NPAS3: variants seen among roughly 807,000 people sequenced by gnomAD.
NPAS3 encodes the protein neuronal PAS domain protein 3.
NPAS3 carries 14 observed loss-of-function variants against 73.1 expected under a neutral mutation model. The observed-to-expected ratio is 0.19, with a 90% CI of 0.13 to 0.30. The LOEUF is 0.30. Among genes scored for constraint, NPAS3 ranks in the 10% least tolerant of loss-of-function variants. NPAS3 has a pLI of 1.00. For synonymous variants in NPAS3, 620 were observed against 541.5 expected (o/e 1.14, Z -2.01); for missense variants, 1,096 against 1,250.0 (o/e 0.88, Z 1.86).
At position 33,797,439 on chromosome 14, in the gene NPAS3, A is replaced by AG; in HGVS notation, c.1302-17dup. On this transcript the variant is annotated splice_polypyrimidine_tract_variant and intron_variant, in intron 10 of 11. Transcript: ENST00000356141. The stretch of plus-strand genomic sequence containing the variant: ...AGAATGGGTGTCTGCACTCCTGACC[A>AG]GTGCCTCCCTTCCACAGCAATCCTG... 6.2e-7 allele frequency: 1 copy of AG among 1,613,832 alleles called. No individual in the cohort carries two copies. Among genetic ancestry groups the AG allele is most frequent in the South Asian group, 1.1e-5 (1 of 91,006 alleles).
At chr14:33,211,825 G>A (rs4982061) in intron 2 of NPAS3, among the ~76,000 whole-genome samples, 143,781 of 152,200 alleles carry the variant, frequency 0.94, 68,170 homozygotes, top group Non-Finnish European at 0.98. Flanking sequence ...TCATTTGCTG[G>A]GGATTCATGA....
intron 5 of NPAS3, among the ~76,000 whole-genome samples, chr14:33,583,104 A>G (rs1029591789): frequency 6.6e-6 from 1 of 150,384 alleles, no homozygotes; most frequent in Non-Finnish European, 1.5e-5. Flanking sequence ...TGGTGGGAGG[A>G]AAGTGAATAA....
At chr14:33,117,205 G>T (rs184664753) in intron 2 of NPAS3, among the ~76,000 whole-genome samples, 7 of 151,770 alleles carry the variant, frequency 4.6e-5, no homozygotes, top group Admixed American at 4.6e-4. Context: ...TTGGTGGTGG[G>T]GACATCCAAA....
intron 4 of NPAS3, among the ~76,000 whole-genome samples, chr14:33,471,676 A>T (rs914065811): frequency 6.6e-6 from 1 of 152,232 alleles, no homozygotes; most frequent in Non-Finnish European, 1.5e-5. Flanking sequence ...GGTAGGTAGA[A>T]ATTAAGTTGT....
intron 7 of NPAS3, among the ~76,000 whole-genome samples, chr14:33,764,495 A>T (rs2062396918): frequency 6.6e-6 from 1 of 152,266 alleles, no homozygotes; most frequent in Non-Finnish European, 1.5e-5. Flanking sequence ...AAGAAAATGC[A>T]TCAATGTAGT....
intron 3 of NPAS3, among the ~76,000 whole-genome samples, chr14:33,266,451 A>C (rs2040820416): frequency 6.6e-6 from 1 of 152,158 alleles, no homozygotes; most frequent in Admixed American, 6.6e-5. Flanking sequence ...CCTTACCTCT[A>C]AGCCAAAGAT....
intron 3 of NPAS3, among the ~76,000 whole-genome samples, chr14:33,254,074 C>T (rs1279493312): frequency 6.6e-6 from 1 of 152,064 alleles, no homozygotes; most frequent in East Asian, 1.9e-4. Flanking sequence ...CTCTGCTTTA[C>T]TTAAACCTAT....
intron 4 of NPAS3, among the ~76,000 whole-genome samples, chr14:33,455,072 T>C (rs1024095124): frequency 6.6e-6 from 1 of 152,234 alleles, no homozygotes; most frequent in African/African-American, 2.4e-5. Flanking sequence ...CATGATAATC[T>C]GTTATATCCA....
intron 2 of NPAS3, among the ~76,000 whole-genome samples, chr14:33,103,359 T>C (rs943210532): frequency 1.3e-5 from 2 of 152,140 alleles, no homozygotes; most frequent in African/African-American, 2.4e-5. Flanking sequence ...AGCTCTGCCA[T>C]TGCATCATGT....
intron 5 of NPAS3, among the ~76,000 whole-genome samples, chr14:33,561,723 A>G (rs2055660436): frequency 6.6e-6 from 1 of 152,236 alleles, no homozygotes; most frequent in African/African-American, 2.4e-5. Flanking sequence ...TGCAATGCAC[A>G]TATTCATGTT....
chr14:33,663,325 A>G (rs1034771363), intron 5 of NPAS3, among the ~76,000 whole-genome samples: 1 of 152,108 alleles, frequency 6.6e-6, no homozygotes, highest in Non-Finnish European at 1.5e-5. Flanking sequence ...TGAGATAATC[A>G]TGAGGTTTTT....
At chr14:33,159,495 C>T (rs2044771019) in intron 2 of NPAS3, among the ~76,000 whole-genome samples, 3 of 151,388 alleles carry the variant, frequency 2.0e-5, no homozygotes, top group Admixed American at 2.0e-4. Flanking sequence ...TTTATATTGT[C>T]GCCCACATGT....
intron 5 of NPAS3, among the ~76,000 whole-genome samples, chr14:33,599,192 C>G (rs1029615966): frequency 5.3e-5 from 8 of 152,170 alleles, no homozygotes; most frequent in Non-Finnish European, 1.2e-4. Flanking sequence ...ATTTGCTCCC[C>G]AACCTGTAAG....
At chr14:33,754,097 C>T (rs1433512970) in intron 7 of NPAS3, among the ~76,000 whole-genome samples, 1 of 152,100 alleles carries the variant, frequency 6.6e-6, no homozygotes, top group Admixed American at 6.6e-5. Context: ...TGGAGGTGCC[C>T]CGCGACCCCA....
intron 2 of NPAS3, among the ~76,000 whole-genome samples, chr14:33,141,829 C>T (rs919149567): frequency 2.2e-4 from 34 of 152,082 alleles, no homozygotes; most frequent in Admixed American, 1.8e-3. Flanking sequence ...AGGCTGTATA[C>T]GATCTGATAC....
intron 4 of NPAS3, among the ~76,000 whole-genome samples, chr14:33,531,841 C>T (rs8004056): frequency 6.6e-6 from 1 of 151,930 alleles, no homozygotes; most frequent in South Asian, 2.1e-4. Flanking sequence ...GATTGTCAGC[C>T]TTCTGTTTTT....
At chr14:33,505,612 A>G (rs1434841509) in intron 4 of NPAS3, among the ~76,000 whole-genome samples, 1 of 152,056 alleles carries the variant, frequency 6.6e-6, no homozygotes, top group Non-Finnish European at 1.5e-5. Context: ...AATTAAAAAT[A>G]ACTGAGCCAT....
At position 33,699,119 on chromosome 14, in the gene NPAS3, G is replaced by A. The variant is rs544231479; in HGVS notation, c.733+22734G>A. On this transcript the variant is annotated intron_variant, in intron 6 of 11. Transcript: ENST00000356141. The stretch of plus-strand genomic sequence containing the variant: ...AGAGTTGGGAGGAAGGCTTGTTCTC[G>A]CTGTATACCCTTCTGTGCTGTTTTA... Among the ~76,000 whole-genome samples the A allele has an allele frequency of 5.3e-5, 8 of 152,230 alleles. No individual in the cohort carries two copies. In the East Asian group the frequency reaches 1.2e-3, roughly 22 times the overall value.
At chr14:33,051,759 A>G (rs1046617199) in intron 1 of NPAS3, among the ~76,000 whole-genome samples, 2 of 152,262 alleles carry the variant, frequency 1.3e-5, no homozygotes, top group African/African-American at 4.8e-5. Context: ...CAAATAAAGA[A>G]TTACATTTTT....
Sources: gnomAD v4.1 joint callset for allele counts (sites outside exome capture counted in the v4.1 genomes callset) on GRCh38, gnomAD v4.1.1 for gene constraint, MANE v1.5 for transcripts, NCBI Gene and HGNC (gene_info 2026-07-23, HGNC 2026-07-21) for gene names.